Variants in XKR9 observed in about 807,000 individuals in gnomAD.
XKR9 encodes the protein XK-related protein 9.
A neutral mutation model predicts 32.0 loss-of-function variants in XKR9; 32 were observed. The ratio of observed to expected loss-of-function variants is 1.00; its 90% confidence interval spans 0.76 to 1.34. XKR9 has a LOEUF of 1.34. XKR9 is among the 40% of genes most tolerant of loss of function. XKR9 has a pLI of 0.00. For synonymous variants in XKR9, 168 were observed against 143.4 expected (o/e 1.17, Z -1.22); for missense variants, 546 against 429.7 (o/e 1.27, Z -2.39).
intron 3 of XKR9, among the ~76,000 whole-genome samples, chr8:70,693,354 CA>C (rs1281345045): frequency 1.3e-5 from 2 of 152,136 alleles, no homozygotes; most frequent in Non-Finnish European, 2.9e-5. Flanking sequence ...TATGATCCAG[CA>C]GATGACATTT....
chr8:70,728,169 G>A (rs1806539800), intron 4 of XKR9, among the ~76,000 whole-genome samples: 1 of 152,212 alleles, frequency 6.6e-6, no homozygotes, highest in Non-Finnish European at 1.5e-5. Context: ...GAGGTTAGAA[G>A]CAAGATGGAG....
At chr8:70,736,357 C>A (rs36183139), downstream of XKR9, among the ~76,000 whole-genome samples, 1 of 151,752 alleles carries the variant, frequency 6.6e-6, no homozygotes, top group Non-Finnish European at 1.5e-5. Flanking sequence ...ATTGTAGATT[C>A]TGGATATTAG....
the XKR9 span, among the ~76,000 whole-genome samples, chr8:70,833,169 C>T: frequency 5.9e-5 from 9 of 152,112 alleles, no homozygotes; most frequent in African/African-American, 2.2e-4. Flanking sequence ...TTTCTTCCCT[C>T]CCCCAGAATA....
chr8:70,813,355 T>C, the XKR9 span, among the ~76,000 whole-genome samples: 3 of 152,070 alleles, frequency 2.0e-5, no homozygotes, highest in Admixed American at 6.6e-5. Flanking sequence ...AAAACCTAGG[T>C]ATTACCATTC....
the XKR9 span, among the ~76,000 whole-genome samples, chr8:70,855,067 T>G: frequency 2.0e-5 from 3 of 152,102 alleles, no homozygotes; most frequent in Non-Finnish European, 4.4e-5. Flanking sequence ...AGAAAGTCAT[T>G]GGTAGCTTGA....
the XKR9 span, among the ~76,000 whole-genome samples, chr8:70,873,475 G>A: frequency 6.6e-6 from 1 of 152,158 alleles, no homozygotes; most frequent in Non-Finnish European, 1.5e-5. Context: ...AACATTAGCA[G>A]GAATTTGGAA....
the XKR9 span, among the ~76,000 whole-genome samples, chr8:71,015,195 C>A: frequency 6.6e-6 from 1 of 152,130 alleles, no homozygotes; most frequent in Non-Finnish European, 1.5e-5. Flanking sequence ...TAGTATGAAG[C>A]AACTAATTTT....
chr8:70,723,435 C>T (rs967674871), intron 4 of XKR9, among the ~76,000 whole-genome samples: 8 of 152,140 alleles, frequency 5.3e-5, no homozygotes, highest in Admixed American at 3.3e-4. Context: ...TCCTCATCTT[C>T]GTGGATTTAT....
chr8:70,816,553 C>G, the XKR9 span, among the ~76,000 whole-genome samples: 2 of 152,110 alleles, frequency 1.3e-5, no homozygotes, highest in Admixed American at 6.5e-5. Context: ...CTATATAAAA[C>G]AAACATCACC....
intron 3 of XKR9, among the ~76,000 whole-genome samples, chr8:70,698,466 T>G (rs1027319189): frequency 4.6e-5 from 7 of 152,182 alleles, no homozygotes; most frequent in Non-Finnish European, 7.4e-5. Flanking sequence ...CAGGAGCAGG[T>G]TGTTCAGTTT....
the XKR9 span, among the ~76,000 whole-genome samples, chr8:70,928,145 C>A: frequency 3.9e-5 from 6 of 152,156 alleles, no homozygotes; most frequent in African/African-American, 7.2e-5. Context: ...TGGGCTCAAG[C>A]AATCCTCCTG....
intron 3 of XKR9, among the ~76,000 whole-genome samples, chr8:70,688,785 T>C (rs1294537241): frequency 1.3e-5 from 2 of 151,364 alleles, no homozygotes; most frequent in Non-Finnish European, 2.9e-5. Flanking sequence ...ATGAAAACAG[T>C]AAAAACTTTG....
At chr8:70,880,742 G>A in the XKR9 span, among the ~76,000 whole-genome samples, 1 of 152,110 alleles carries the variant, frequency 6.6e-6, no homozygotes, top group African/African-American at 2.4e-5. Flanking sequence ...AGCTACCAAT[G>A]ACTTTCTTCA....
At chr8:70,721,487 T>G (rs1806279927) in intron 4 of XKR9, among the ~76,000 whole-genome samples, 1 of 152,202 alleles carries the variant, frequency 6.6e-6, no homozygotes, top group South Asian at 2.1e-4. Context: ...GTCCCAGAGA[T>G]TCTGGTATGT....
chr8:70,680,814 CAG>C lies in XKR9; in HGVS notation c.-243_-242del. On this transcript the variant is annotated 5_prime_UTR_variant, in exon 3 of 5. The change creates a premature stop within an existing upstream ORF in the 5' untranslated region. Coordinates refer to ENST00000408926, the MANE Select transcript of XKR9 (RefSeq NM_001011720.2). ...ATCTGTAATGAAGATCATTGTGAAACAGAAGATTGATTAAAGCCTTGTAACAT... is the reference window on the plus strand; with the variant it reads ...ATCTGTAATGAAGATCATTGTGAAACAAGATTGATTAAAGCCTTGTAACAT... 1 of 289,730 alleles carries C rather than the reference CAG, an allele frequency of 3.5e-6. No individual in the cohort carries two copies. Among genetic ancestry groups the C allele is most frequent in the East Asian group, 6.0e-5 (1 of 16,546 alleles). The allele number at this position is 289,730 out of a possible 1,614,324, so 17.9% of individuals were successfully genotyped here.
chr8:70,784,522 T>G (rs1057122648), intron 2 of XKR9, among the ~76,000 whole-genome samples: 2 of 152,220 alleles, frequency 1.3e-5, no homozygotes, highest in Admixed American at 6.5e-5. Context: ...GAAATGCTAC[T>G]GATTTTTGTG....
At chr8:70,968,203 A>AT in the XKR9 span, among the ~76,000 whole-genome samples, 9,337 of 151,968 alleles carry the variant, frequency 0.061, 386 homozygotes, top group Non-Finnish European at 0.084. Flanking sequence ...AAACTCTGAG[A>AT]TTTTTTCCTC....
At chr8:70,942,136 T>C in the XKR9 span, among the ~76,000 whole-genome samples, 4 of 152,172 alleles carry the variant, frequency 2.6e-5, no homozygotes, top group African/African-American at 9.6e-5. Context: ...TTTTCACTTA[T>C]AACTTTGTCT....
At chr8:70,790,852 A>G (rs1262139243), downstream of XKR9, among the ~76,000 whole-genome samples, 1 of 152,088 alleles carries the variant, frequency 6.6e-6, no homozygotes, top group East Asian at 1.9e-4. Context: ...AAAATCAAAG[A>G]TCAAGGTGCT....
Sources: gnomAD v4.1 joint callset for allele counts (sites outside exome capture counted in the v4.1 genomes callset) on GRCh38, gnomAD v4.1.1 for gene constraint, MANE v1.5 for transcripts, NCBI Gene and HGNC (gene_info 2026-07-23, HGNC 2026-07-21) for gene names.